The following DMRTC1B variants were observed in gnomAD, a reference collection of about 807,000 sequenced individuals.
The protein encoded by DMRTC1B is doublesex- and mab-3-related transcription factor C1.
At chrX:72,802,655 G>A (rs1288967572) in intron 1 of DMRTC1B, among the ~76,000 whole-genome samples, 9 of 94,858 alleles carry the variant, frequency 9.5e-5, no homozygotes, top group African/African-American at 3.1e-4. Context: ...CACAACAACA[G>A]CAACAACAAA....
intron 1 of DMRTC1B, among the ~76,000 whole-genome samples, chrX:72,820,353 G>A (rs1281784368): frequency 3.4e-4 from 21 of 61,710 alleles, no homozygotes; most frequent in Non-Finnish European, 5.9e-4. Flanking sequence ...CAAGGAATCA[G>A]ATTTTTGTTT....
chrX:72,815,630 CTTTT>C (rs782089848), intron 1 of DMRTC1B, among the ~76,000 whole-genome samples: 24 of 99,256 alleles, frequency 2.4e-4, no homozygotes, highest in African/African-American at 4.0e-4. Flanking sequence ...TTTTTCTCCT[CTTTT>C]TTTTTTTTTT....
At chrX:72,820,286 T>G (rs2054688033) in intron 1 of DMRTC1B, among the ~76,000 whole-genome samples, 1 of 59,968 alleles carries the variant, frequency 1.7e-5, no homozygotes, top group Admixed American at 2.1e-4. Context: ...GAATAGAACC[T>G]CCTCACTTTT....
At position 72,817,952 on chromosome X, in the gene DMRTC1B, A is replaced by C. The variant is rs1208157809; in HGVS notation, c.-94-27090A>C. On this transcript the variant is annotated intron_variant, in intron 1 of 6. Coordinates refer to ENST00000334036, the MANE Select transcript of DMRTC1B (RefSeq NM_001386972.1). ...GTTTTGGTATCAGGAAAACACTCAT[A>C]GAATGAGTTCAGAAGTATTCCCTCC... Among the ~76,000 whole-genome samples, 2 of 15,006 alleles carry C rather than the reference A, an allele frequency of 1.3e-4. 1 individual carries two copies. The highest frequency in any genetic ancestry group is 6.4e-4 in the Non-Finnish European group (2 of 3,113). 13.0% of individuals were successfully genotyped at this position (15,006 alleles called of 115,157 possible).
chrX:72,804,435 A>T (rs1316388782), intron 1 of DMRTC1B, among the ~76,000 whole-genome samples: 2 of 68,742 alleles, frequency 2.9e-5, no homozygotes, highest in African/African-American at 7.2e-5. Flanking sequence ...ATGGGCTGTA[A>T]CTCACAGTTC....
At position 72,807,560 on chromosome X, in the gene DMRTC1B, T is replaced by G. The variant is rs1228407755; in HGVS notation, c.-95+30312T>G. ...GGCTCCGGTGGTCTCAGATTCCGAG[T>G]GCCCGGTATCCTCCCCTAGGGAGGA... On this transcript the variant is annotated intron_variant, in intron 1 of 6. Transcript: ENST00000334036. The G allele has an allele frequency of 2.8e-5, 26 of 933,709 alleles. 1 individual carries two copies. Among genetic ancestry groups the G allele is most frequent in the Admixed American group, 2.1e-4 (7 of 33,025 alleles). 76.9% of individuals were successfully genotyped at this position (933,709 alleles called of 1,213,427 possible). A position where few individuals can be genotyped will look rare whatever the true frequency, so the allele number is the denominator to read the frequency against.
At chrX:72,794,965 AT>A (rs2054627488) in intron 1 of DMRTC1B, among the ~76,000 whole-genome samples, 1 of 71,785 alleles carries the variant, frequency 1.4e-5, no homozygotes, top group Non-Finnish European at 2.7e-5. Flanking sequence ...AAGATTCCAC[AT>A]CTGAGTGAGG....
intron 4 of DMRTC1B, 101 bp downstream of exon 4, chrX:72,846,106 GA>G: frequency 2.9e-5 from 1 of 34,123 alleles, no homozygotes; most frequent in Non-Finnish European, 8.5e-5. Context: ...GGAGGAGGAG[GA>G]GGTGGTGGAG....
At chrX:72,840,161 AAAG>A in intron 1 of DMRTC1B, among the ~76,000 whole-genome samples, 1 of 91,356 alleles carries the variant, frequency 1.1e-5, no homozygotes, top group African/African-American at 4.2e-5. Flanking sequence ...GAAAAGAGAA[AAAG>A]CAAAGCAAAG....
chrX:72,802,543 C>T (rs1318028154), intron 1 of DMRTC1B, among the ~76,000 whole-genome samples: 3 of 63,710 alleles, frequency 4.7e-5, no homozygotes, highest in African/African-American at 1.1e-4. Context: ...AGAGTAATAG[C>T]GTCGGTCCTT....
chrX:72,815,627 C>A (rs2054678159), intron 1 of DMRTC1B, among the ~76,000 whole-genome samples: 1 of 99,653 alleles, frequency 1.0e-5, no homozygotes, highest in East Asian at 2.8e-4. Context: ...TTATTTTTCT[C>A]CTCTTTTTTT....
intron 1 of DMRTC1B, among the ~76,000 whole-genome samples, chrX:72,815,601 C>T (rs1191254429): frequency 9.0e-6 from 1 of 111,458 alleles, no homozygotes; most frequent in African/African-American, 3.3e-5. Context: ...GTGCTTCAAT[C>T]TCACTGGAGT....
chrX:72,807,195 C>A (rs2054660979), intron 1 of DMRTC1B, among the ~76,000 whole-genome samples: 1 of 66,921 alleles, frequency 1.5e-5, no homozygotes, highest in Non-Finnish European at 2.8e-5. Flanking sequence ...CATGTAAGTG[C>A]CCCGCCAGGG....
intron 1 of DMRTC1B, among the ~76,000 whole-genome samples, chrX:72,840,380 C>CA (rs1209849921): frequency 3.2e-5 from 2 of 63,389 alleles, no homozygotes; most frequent in African/African-American, 6.0e-5. Flanking sequence ...GTACCATACA[C>CA]AAAAAAATTA....
intron 1 of DMRTC1B, among the ~76,000 whole-genome samples, chrX:72,798,218 A>T (rs1273227176): frequency 4.8e-4 from 3 of 6,297 alleles, no homozygotes; most frequent in African/African-American, 1.1e-3. Context: ...TAGGTTGTTT[A>T]TTTGAGATAT....
chrX:72,832,663 AG>A (rs2054706767), intron 1 of DMRTC1B, among the ~76,000 whole-genome samples: 1 of 100,677 alleles, frequency 9.9e-6, no homozygotes, highest in African/African-American at 3.6e-5. Context: ...GCAGGAGGGG[AG>A]GGGGAGGGGG....
chrX:72,840,183 A>AAAAGCAAAGCAAAGC (rs781802857), intron 1 of DMRTC1B, among the ~76,000 whole-genome samples: 102 of 74,343 alleles, frequency 1.4e-3, no homozygotes, highest in Middle Eastern at 6.6e-3. Flanking sequence ...AGCAAAGAGA[A>AAAAGCAAAGCAAAGC]AAAGCAAAGC....
intron 1 of DMRTC1B, chrX:72,808,204 G>A: frequency 1.1e-5 from 2 of 175,868 alleles, no homozygotes; most frequent in South Asian, 1.1e-4. Flanking sequence ...CAAAGAGGCC[G>A]AGGGCCTGCC....
intron 1 of DMRTC1B, among the ~76,000 whole-genome samples, chrX:72,807,245 T>C (rs1222627310): frequency 2.4e-5 from 2 of 81,866 alleles, no homozygotes; most frequent in Non-Finnish European, 4.7e-5. Context: ...GTTGATTGGC[T>C]ACAGCCCATC....
Sources: allele counts gnomAD v4.1 joint callset (sites outside exome capture counted in the v4.1 genomes callset), GRCh38; gene constraint gnomAD v4.1.1; transcripts MANE v1.5; gene names NCBI Gene and HGNC (gene_info 2026-07-23, HGNC 2026-07-21).